PCBP2: variants seen among roughly 807,000 people sequenced by gnomAD.
The protein encoded by PCBP2 is poly(rC)-binding protein 2.
A neutral mutation model predicts 50.1 loss-of-function variants in PCBP2; 4 were observed. That is an observed-to-expected ratio of 0.08 (90% CI 0.04 to 0.18). The LOEUF (loss-of-function observed/expected upper bound fraction) is 0.18. PCBP2 is among the 10% of genes least tolerant of loss of function. The pLI is 1.00. For synonymous variants in PCBP2, 179 were observed against 168.0 expected, an observed-to-expected ratio of 1.07 and a Z score of -0.51; for missense variants, 161 against 474.3, an observed-to-expected ratio of 0.34 and a Z score of 6.14.
chr12:53,473,133 G>T (rs1942349797), intron 14 of PCBP2, among the ~76,000 whole-genome samples: 1 of 150,614 alleles, frequency 6.6e-6, no homozygotes, highest in Admixed American at 6.6e-5. Flanking sequence ...CACCAGGCTG[G>T]AGTGCAGTGG....
chr12:53,473,047 T>C (rs960347228), intron 14 of PCBP2, among the ~76,000 whole-genome samples: 7 of 152,244 alleles, frequency 4.6e-5, no homozygotes, highest in East Asian at 1.9e-4. Context: ...TCAAGTGATA[T>C]GCCTCCCAAA....
intron 6 of PCBP2, chr12:53,460,637 G>A (rs1014230148): frequency 7.7e-5 from 18 of 233,000 alleles, no homozygotes; most frequent in African/African-American, 4.2e-4. Context: ...ATGGTACCTG[G>A]CACATAGAAT....
chr12:53,466,913 A>G (rs1263467461), intron 10 of PCBP2, among the ~76,000 whole-genome samples: 3 of 152,082 alleles, frequency 2.0e-5, no homozygotes, highest in South Asian at 2.1e-4. Flanking sequence ...AACTGTTGCA[A>G]TGGCTGCAAA....
At chr12:53,461,789 A>C (rs955693312) in intron 7 of PCBP2, among the ~76,000 whole-genome samples, 2 of 152,068 alleles carry the variant, frequency 1.3e-5, no homozygotes, top group African/African-American at 4.8e-5. Flanking sequence ...GGCTCACTGC[A>C]ACCTCTGCCT....
At chr12:53,459,121 A>G in intron 5 of PCBP2, 151 bp from the exon 6 acceptor site, 6 of 477,274 alleles carry the variant, frequency 1.3e-5, no homozygotes, top group Non-Finnish European at 1.8e-5. Flanking sequence ...ATAGTTTGAG[A>G]GGGGCATGGT....
intron 1 of PCBP2, among the ~76,000 whole-genome samples, chr12:53,453,548 C>A (rs937005095): frequency 1.3e-5 from 2 of 152,082 alleles, no homozygotes; most frequent in African/African-American, 2.4e-5. Context: ...CACTTAAGCA[C>A]CTAAGATATT....
intron 14 of PCBP2, among the ~76,000 whole-genome samples, chr12:53,478,744 T>TG (rs767049028): frequency 1.5e-4 from 23 of 152,122 alleles, no homozygotes; most frequent in Non-Finnish European, 3.1e-4. Context: ...AGGCACAAGT[T>TG]GCAGTGAGGC....
intron 12 of PCBP2, chr12:53,468,172 CAA>C (rs1049005616): frequency 4.0e-6 from 1 of 250,912 alleles, no homozygotes; most frequent in African/African-American, 2.2e-5. Context: ...CTTTGGAAAA[CAA>C]AATGAAAGCC....
chr12:53,475,216 GATTGCAT>G (rs1565873869), intron 14 of PCBP2: 3 of 454,878 alleles, frequency 6.6e-6, no homozygotes, highest in Non-Finnish European at 1.3e-5. Flanking sequence ...TCTCCCTACT[GATTGCAT>G]ACCTTGAGGC....
At chr12:53,464,723 A>G in intron 8 of PCBP2, 37 bp from the exon 9 acceptor site, 2 of 1,600,652 alleles carry the variant, frequency 1.2e-6, no homozygotes, top group Non-Finnish European at 1.7e-6. Context: ...TGCCGGATTG[A>G]CAGCCCTGGA....
chr12:53,472,569 C>T (rs1209417062), intron 14 of PCBP2, among the ~76,000 whole-genome samples: 1 of 152,210 alleles, frequency 6.6e-6, no homozygotes, highest in Non-Finnish European at 1.5e-5. Flanking sequence ...TATTTCAAAG[C>T]ATTGTTAGCC....
At chr12:53,464,973 G>A (rs1409078209) in intron 9 of PCBP2, 121 bp downstream of exon 9, 15 of 1,297,854 alleles carry the variant, frequency 1.2e-5, no homozygotes, top group South Asian at 1.8e-5. Flanking sequence ...ACCTGTCCAC[G>A]GGGACCTGGA....
intron 14 of PCBP2, chr12:53,474,763 G>A: frequency 2.9e-6 from 1 of 341,506 alleles, no homozygotes; most frequent in Non-Finnish European, 5.8e-6. Flanking sequence ...TCAACCAGAG[G>A]CACTTACTGA....
Position 53,467,804 on chromosome 12 carries a change from G to A in PCBP2, c.788-1G>A. 1 of 1,611,914 alleles carries A rather than the reference G, an allele frequency of 6.2e-7. No individual in the cohort carries two copies. The highest frequency in any genetic ancestry group is 8.5e-7 in the Non-Finnish European group (1 of 1,178,204). On this transcript the variant is annotated splice_acceptor_variant, in intron 11 of 14. Transcript: ENST00000546463. LOFTEE classifies it high-confidence loss of function. ...ACTCATTTTCACTTGTATCTTAACA[G>A]GCATTGAATCCAGCTCTCCAGAGGT...
chr12:53,466,249 C>T (rs1941814100), intron 10 of PCBP2, among the ~76,000 whole-genome samples: 1 of 152,186 alleles, frequency 6.6e-6, no homozygotes, highest in Non-Finnish European at 1.5e-5. Context: ...GGAAATGTTC[C>T]ATGGTATACT....
intron 5 of PCBP2, among the ~76,000 whole-genome samples, chr12:53,459,013 C>A (rs753799931): frequency 6.6e-6 from 1 of 152,120 alleles, no homozygotes; most frequent in Non-Finnish European, 1.5e-5. Context: ...CAGATTATTA[C>A]TTTTATCCTT....
intron 1 of PCBP2, among the ~76,000 whole-genome samples, chr12:53,453,455 G>A (rs1300452045): frequency 6.6e-6 from 1 of 152,210 alleles, no homozygotes; most frequent in Non-Finnish European, 1.5e-5. Flanking sequence ...GAAATGATGT[G>A]CTTTGGGGAT....
At chr12:53,456,920 T>A (rs1192321806) in intron 5 of PCBP2, among the ~76,000 whole-genome samples, 1 of 139,716 alleles carries the variant, frequency 7.2e-6, no homozygotes, top group Non-Finnish European at 1.6e-5. Flanking sequence ...AATCTTATCT[T>A]TGCCAAGATT....
chr12:53,468,579 A>G (rs1941979708), intron 12 of PCBP2, 198 bp from the exon 13 acceptor site: 1 of 583,286 alleles, frequency 1.7e-6, no homozygotes, highest in South Asian at 2.1e-5. Flanking sequence ...TTCTGAGTGT[A>G]CAGAAGAACC....
Sources: allele counts gnomAD v4.1 joint callset (sites outside exome capture counted in the v4.1 genomes callset), GRCh38; gene constraint gnomAD v4.1.1; transcripts MANE v1.5; gene names NCBI Gene and HGNC (gene_info 2026-07-23, HGNC 2026-07-21).